CX3CL1: variants seen among roughly 807,000 people sequenced by gnomAD.
The protein encoded by CX3CL1 is C-X3-C motif chemokine ligand 1.
In CX3CL1, 1 loss-of-function variant was observed where a neutral mutation model predicts 14.1. The observed-to-expected ratio is 0.07, with a 90% confidence interval of 0.03 to 0.34. CX3CL1 has a LOEUF of 0.34. Among genes scored for constraint, CX3CL1 ranks in the 10% least tolerant of loss-of-function variants. CX3CL1 has a pLI of 0.99. For synonymous variants in CX3CL1, 255 were observed against 229.6 expected, an observed-to-expected ratio of 1.11 and a Z score of -1.00; for missense variants, 505 against 536.4, an observed-to-expected ratio of 0.94 and a Z score of 0.58.
chr16:57,381,295 G>A (rs1291445503), intron 2 of CX3CL1, among the ~76,000 whole-genome samples: 2 of 152,298 alleles, frequency 1.3e-5, no homozygotes, highest in Admixed American at 6.5e-5. Flanking sequence ...CTGAGCTGTG[G>A]GCTTGGTGGT....
intron 1 of CX3CL1, among the ~76,000 whole-genome samples, chr16:57,376,469 T>TGGAA: frequency 6.6e-6 from 1 of 151,050 alleles, no homozygotes; most frequent in South Asian, 2.1e-4. Flanking sequence ...GATGGATGGA[T>TGGAA]GGATGGATGG....
Position 57,372,538 on chromosome 16 carries a change from C to G in CX3CL1, c.-31C>G, listed in dbSNP as rs372607275. 47 of 1,605,438 alleles carry G rather than the reference C, an allele frequency of 2.9e-5. No individual in the cohort carries two copies. In the African/African-American group the frequency reaches 4.9e-4, roughly 17 times the overall value. On this transcript the variant is annotated 5_prime_UTR_variant, in exon 1 of 3. Coordinates refer to ENST00000006053, the MANE Select transcript of CX3CL1 (RefSeq NM_002996.6). ...CGCCTGGCTCTAGCCGCCTGCCTGGCCCCCGCCGGGACTCTTGCCCACCCT... is the reference window on the plus strand; with the variant it reads ...CGCCTGGCTCTAGCCGCCTGCCTGGGCCCCGCCGGGACTCTTGCCCACCCT...
chr16:57,372,584 C>T lies in CX3CL1; in HGVS notation c.16C>T (p.Leu6=). The T allele has an allele frequency of 6.2e-7, 1 of 1,613,136 alleles. No homozygotes were observed. Among genetic ancestry groups the T allele is most frequent in the Non-Finnish European group, 8.5e-7 (1 of 1,179,962 alleles). Residue 6 remains leucine, a synonymous_variant, in exon 1 of 3, where the codon CTG becomes TTG. Transcript: ENST00000006053. The part of the protein sequence containing the change: MAPIS[L]SWLLRLATFC... ...ACCCTCAGCCATGGCTCCGATATCT[C>T]TGTCGTGGCTGCTCCGCTTGGCCAC...
intron 1 of CX3CL1, chr16:57,377,290 A>G (rs1902259316): frequency 6.6e-6 from 1 of 152,272 alleles, no homozygotes; most frequent in African/African-American, 2.4e-5. Context: ...GCTCCACTCA[A>G]TAGGGCCTGG....
chr16:57,382,817 C>G lies in CX3CL1; in HGVS notation c.979C>G (p.Leu327Val). The part of the protein sequence containing the change: ...ATMDPQRLGV[L>V]ITPVPDAQAA... ...CATGGACCCCCAGAGGCTGGGCGTCCTTATCACTCCTGTCCCTGACGCCCA... is the reference window on the plus strand; with the variant it reads ...CATGGACCCCCAGAGGCTGGGCGTCGTTATCACTCCTGTCCCTGACGCCCA... Residue 327 changes from leucine to valine, a missense_variant, in exon 3 of 3, where the codon CTT becomes GTT. Leu to Val is a conservative substitution (Grantham distance 32). Coordinates refer to ENST00000006053, the MANE Select transcript of CX3CL1 (RefSeq NM_002996.6). The surrounding 1 kb of genome is among the most constrained non-coding windows in gnomAD (Gnocchi z 6.9). 1 of 1,590,602 alleles carries G rather than the reference C, an allele frequency of 6.3e-7. No homozygotes were observed. Among genetic ancestry groups the G allele is most frequent in the Non-Finnish European group, 8.6e-7 (1 of 1,165,710 alleles).
At chr16:57,372,693 C>T in intron 1 of CX3CL1, 55 bp downstream of exon 1, 4 of 1,584,398 alleles carry the variant, frequency 2.5e-6, no homozygotes, top group Non-Finnish European at 2.6e-6. Flanking sequence ...AGCCCCTTGT[C>T]TATCCCTCAA....
intron 2 of CX3CL1, among the ~76,000 whole-genome samples, chr16:57,381,006 C>T (rs958737686): frequency 5.3e-5 from 8 of 152,188 alleles, no homozygotes; most frequent in African/African-American, 1.9e-4. Flanking sequence ...CCAAGACACC[C>T]CCAAGTATTT....
In CX3CL1 at chr16:57,382,642, G is replaced by A; in HGVS notation, c.804G>A (p.Val268=). 6.2e-7 allele frequency: 1 copy of A among 1,613,624 alleles called. No individual in the cohort carries two copies. Among genetic ancestry groups the A allele is most frequent in the Non-Finnish European group, 8.5e-7 (1 of 1,179,748 alleles). ...NSLEREEMGP[V]PAHTDAFQDW... ...TGGAGCGGGAGGAGATGGGTCCCGTGCCAGCGCACACGGATGCCTTCCAGG... is the reference window on the plus strand; with the variant it reads ...TGGAGCGGGAGGAGATGGGTCCCGTACCAGCGCACACGGATGCCTTCCAGG... The change falls in exon 3 of 3, where the codon GTG becomes GTA. Residue 268 remains valine, a synonymous_variant. Coordinates refer to ENST00000006053, the MANE Select transcript of CX3CL1 (RefSeq NM_002996.6). This position sits in a 1 kb window ranked among gnomAD's most constrained non-coding sequence, Gnocchi z 6.9.
In CX3CL1 at chr16:57,383,177, C is replaced by T; in HGVS notation, c.*145C>T. On this transcript the variant is annotated 3_prime_UTR_variant, in exon 3 of 3. Transcript: ENST00000006053. ...ATCCTCCAGGTGCACAAGCTCCAAG[C>T]TCCCAGGCATTCCCCAGGAGGCCAG... The T allele has an allele frequency of 1.4e-6, 1 of 720,360 alleles. No individual in the cohort carries two copies. The highest frequency in any genetic ancestry group is 2.0e-6 in the Non-Finnish European group (1 of 501,596). 44.6% of individuals were successfully genotyped at this position (720,360 alleles called of 1,614,324 possible). A position where few individuals can be genotyped will look rare whatever the true frequency, so the allele number is the denominator to read the frequency against.
rs73559216 is a variant in CX3CL1, at chr16:57,372,750, C to T, written c.70+112C>T. On this transcript the variant is annotated intron_variant, in intron 1 of 2. Coordinates refer to ENST00000006053, the MANE Select transcript of CX3CL1 (RefSeq NM_002996.6). ...ACCCTGCCTGGGTAAAGCTCAAGGC[C>T]GGTGGCAGCCGCTTCCCCAGGGATG... 22,524 of 995,564 alleles carry T rather than the reference C, an allele frequency of 0.023. 3,275 individuals are homozygous for T. The African/African-American group carries it at 0.32, about 14-fold the overall frequency. 61.7% of individuals were successfully genotyped at this position (995,564 alleles called of 1,614,324 possible).
intron 2 of CX3CL1, 143 bp downstream of exon 2, chr16:57,379,897 C>A: frequency 2.1e-6 from 2 of 960,226 alleles, no homozygotes; most frequent in Non-Finnish European, 3.1e-6. Flanking sequence ...TTGCCCCTGG[C>A]CTGCAGGCCA....
chr16:57,382,850 ACCC>A lies in CX3CL1; in HGVS notation c.1013_1015del (p.Thr338del). On this transcript the variant is annotated inframe_deletion, in exon 3 of 3. Transcript: ENST00000006053. This position sits in a 1 kb window ranked among gnomAD's most constrained non-coding sequence, Gnocchi z 6.9. ...TCCTGTCCCTGACGCCCAGGCTGCC[ACCC>A]GGAGGCAGGCGGTGGGGCTGCTGGC... 1 of 1,557,810 alleles carries A rather than the reference ACCC, an allele frequency of 6.4e-7. No homozygotes were observed. The highest frequency in any genetic ancestry group is 8.7e-7 in the Non-Finnish European group (1 of 1,147,770).
intron 2 of CX3CL1, among the ~76,000 whole-genome samples, chr16:57,381,687 A>G (rs1262237780): frequency 6.6e-6 from 1 of 152,184 alleles, no homozygotes; most frequent in Non-Finnish European, 1.5e-5. Context: ...ACAGTAACAC[A>G]GAAGTAGGGT....
At chr16:57,373,396 C>G (rs1411464943) in intron 1 of CX3CL1, among the ~76,000 whole-genome samples, 1 of 152,148 alleles carries the variant, frequency 6.6e-6, no homozygotes, top group Non-Finnish European at 1.5e-5. Context: ...GCAAGTAGGG[C>G]AGGAGAAGGT....
rs550148705 is a variant in CX3CL1, at chr16:57,379,688, A to G, written c.125A>G (p.Lys42Arg). ...CNITCSKMTS[K>R]IPVALLIHYQ... Reference sequence around the variant, plus strand: ...ATCACGTGCAGCAAGATGACATCAAAGATACCTGTAGCTTTGCTCATCCAC... The same window carrying G: ...ATCACGTGCAGCAAGATGACATCAAGGATACCTGTAGCTTTGCTCATCCAC... Residue 42 changes from lysine to arginine, a missense_variant, in exon 2 of 3, where the codon AAG becomes AGG. By Grantham distance (26) the Lys-to-Arg change is conservative (BLOSUM62 2). Transcript: ENST00000006053. 1.2e-4 allele frequency: 197 copies of G among 1,614,266 alleles called. 1 individual carries two copies. The South Asian group carries it at 1.4e-3, about 12-fold the overall frequency.
In CX3CL1 at chr16:57,382,684, C is replaced by T. The variant is rs1240456727; in HGVS notation, c.846C>T (p.Ser282=). Residue 282 remains serine, a synonymous_variant, in exon 3 of 3, where the codon AGC becomes AGT. Coordinates refer to ENST00000006053, the MANE Select transcript of CX3CL1 (RefSeq NM_002996.6). The surrounding 1 kb of genome is among the most constrained non-coding windows in gnomAD (Gnocchi z 6.9). ...CCTTCCAGGACTGGGGGCCTGGCAGCATGGCCCACGTCTCTGTGGTCCCTG... is the reference window on the plus strand; with the variant it reads ...CCTTCCAGGACTGGGGGCCTGGCAGTATGGCCCACGTCTCTGTGGTCCCTG... ...TDAFQDWGPG[S]MAHVSVVPVS... 4.3e-6 allele frequency: 7 copies of T among 1,612,226 alleles called. No homozygotes were observed. The highest frequency in any genetic ancestry group is 5.1e-6 in the Non-Finnish European group (6 of 1,178,966).
chr16:57,377,968 G>A (rs1372368984), intron 1 of CX3CL1: 16 of 152,260 alleles, frequency 1.1e-4, no homozygotes, highest in African/African-American at 3.9e-4. Flanking sequence ...AAATAGTTGG[G>A]TTTATTTGTC....
Position 57,382,839 on chromosome 16 carries a change from C to T in CX3CL1, c.1001C>T (p.Ala334Val). 1 of 1,562,258 alleles carries T rather than the reference C, an allele frequency of 6.4e-7. No individual in the cohort carries two copies. The highest frequency in any genetic ancestry group is 1.2e-5 in the South Asian group (1 of 85,358). ...GTCCTTATCACTCCTGTCCCTGACGCCCAGGCTGCCACCCGGAGGCAGGCG... is the reference window on the plus strand; with the variant it reads ...GTCCTTATCACTCCTGTCCCTGACGTCCAGGCTGCCACCCGGAGGCAGGCG... ...LGVLITPVPD[A>V]QAATRRQAVG... The change falls in exon 3 of 3, where the codon GCC becomes GTC. Residue 334 changes from alanine to valine, a missense_variant. Coordinates refer to ENST00000006053, the MANE Select transcript of CX3CL1 (RefSeq NM_002996.6). The surrounding 1 kb of genome is among the most constrained non-coding windows in gnomAD (Gnocchi z 6.9).
chr16:57,375,897 T>C lies in CX3CL1; in HGVS notation c.70+3259T>C, dbSNP rs146658091. ...TGGAACACTGTGTTTCTACCTGGCA[T>C]CTAGGGTAGCCTAGAACAGTGGGGT... On this transcript the variant is annotated intron_variant, in intron 1 of 2. Coordinates refer to ENST00000006053, the MANE Select transcript of CX3CL1 (RefSeq NM_002996.6). Among the ~76,000 whole-genome samples, 5 of 152,318 alleles carry C rather than the reference T, an allele frequency of 3.3e-5. No homozygotes were observed. In the East Asian group the frequency reaches 9.6e-4, roughly 29 times the overall value.
Sources: gnomAD v4.1 joint callset for allele counts (sites outside exome capture counted in the v4.1 genomes callset) on GRCh38, gnomAD v4.1.1 for gene constraint, Gnocchi (gnomAD v3.1) non-coding constraint, MANE v1.5 for transcripts, NCBI Gene and HGNC (gene_info 2026-07-23, HGNC 2026-07-21) for gene names.